Variants in CHST12 observed in about 807,000 individuals in gnomAD.
The protein encoded by CHST12 is carbohydrate sulfotransferase 12, also known as carbohydrate (chondroitin 4) sulfotransferase 12.
In CHST12, 23 loss-of-function variants were observed where a neutral mutation model predicts 27.9. The observed-to-expected ratio is 0.82, with a 90% CI of 0.59 to 1.17. The LOEUF (loss-of-function observed/expected upper bound fraction) is 1.17, where lower values mean the gene tolerates loss of function less well. CHST12 is among the 50% of genes most tolerant of loss of function. CHST12 has a pLI of 0.00. For synonymous variants in CHST12, 322 were observed against 273.0 expected, an observed-to-expected ratio of 1.18 and a Z score of -1.77; for missense variants, 682 against 603.0, an observed-to-expected ratio of 1.13 and a Z score of -1.37.
chr7:2,433,088 C>G lies in CHST12; in HGVS notation c.449C>G (p.Pro150Arg). Residue 150 changes from proline (P) to arginine (R), a missense_variant, in exon 2 of 2, where the codon CCC becomes CGC. Pro to Arg is a moderately radical substitution (Grantham distance 103). Transcript: ENST00000618655. The surrounding 1 kb of genome is among the most constrained non-coding windows in gnomAD (Gnocchi z 6.1). The stretch of plus-strand genomic sequence containing the variant: ...AAGGAGCGCGCATTCGACGACATCC[C>G]CAACTCGGAGCTGAGCCACCTGATC... ...PTKERAFDDI[P>R]NSELSHLIVD... 1 of 1,612,560 alleles carries G rather than the reference C, an allele frequency of 6.2e-7. No individual in the cohort carries two copies. The highest frequency in any genetic ancestry group is 1.1e-5 in the South Asian group (1 of 91,066).
At chr7:2,410,257 G>A (rs1781633413) in intron 1 of CHST12, among the ~76,000 whole-genome samples, 1 of 152,196 alleles carries the variant, frequency 6.6e-6, no homozygotes, top group African/African-American at 2.4e-5. Flanking sequence ...AGTGCCAGAT[G>A]CTACTGTAAG....
intron 1 of CHST12, among the ~76,000 whole-genome samples, chr7:2,420,105 C>G (rs1030554179): frequency 6.7e-6 from 1 of 149,672 alleles, no homozygotes; most frequent in Non-Finnish European, 1.5e-5. Context: ...TCCAGAGTAG[C>G]TGAGACTACA....
Position 2,434,259 on chromosome 7 carries a change from G to T in CHST12, c.*375G>T. 1 of 185,390 alleles carries T rather than the reference G, an allele frequency of 5.4e-6. No homozygotes were observed. The highest frequency in any genetic ancestry group is 1.3e-5 in the Non-Finnish European group (1 of 79,638). 11.5% of individuals were successfully genotyped at this position (185,390 alleles called of 1,614,324 possible). On this transcript the variant is annotated 3_prime_UTR_variant, in exon 2 of 2. Transcript: ENST00000618655. ...CGGGGCCTGCACTTGAAGTCAGGCCGCACCTGTCTGTTTTTGGAAGGGTAG... is the reference window on the plus strand; with the variant it reads ...CGGGGCCTGCACTTGAAGTCAGGCCTCACCTGTCTGTTTTTGGAAGGGTAG...
chr7:2,410,024 CCT>C lies in CHST12; in HGVS notation c.-78+6354_-78+6355del, dbSNP rs535051506. On this transcript the variant is annotated intron_variant, in intron 1 of 1. Transcript: ENST00000618655. The stretch of plus-strand genomic sequence containing the variant: ...GTGCAGTGATATGATCTCATTGCAG[CCT>C]CTGTTTCCTGAGTTCAAGCAATTAT... 3.1e-3 allele frequency among the ~76,000 whole-genome samples: 473 copies of C among 152,196 alleles called. 4 individuals carry two copies. Among genetic ancestry groups the C allele is most frequent in the African/African-American group, 0.011 (441 of 41,518 alleles).
intron 1 of CHST12, among the ~76,000 whole-genome samples, chr7:2,429,089 G>A (rs1554281610): frequency 6.6e-6 from 1 of 152,224 alleles, no homozygotes; most frequent in Non-Finnish European, 1.5e-5. Context: ...CTGACTGCAT[G>A]TCCGTTCATA....
At chr7:2,410,530 G>A (rs1368391759) in intron 1 of CHST12, among the ~76,000 whole-genome samples, 1 of 152,136 alleles carries the variant, frequency 6.6e-6, no homozygotes, top group African/African-American at 2.4e-5. Flanking sequence ...AAAGATTTGA[G>A]GTAGGGATGG....
In CHST12 at chr7:2,428,186, T is replaced by C. The variant is rs565718610; in HGVS notation, c.-77-4377T>C. 6.0e-5 allele frequency among the ~76,000 whole-genome samples: 9 copies of C among 148,894 alleles called. 1 individual carries two copies. The South Asian group carries it at 1.9e-3, about 32-fold the overall frequency. On this transcript the variant is annotated intron_variant, in intron 1 of 1. Coordinates refer to ENST00000618655, the MANE Select transcript of CHST12 (RefSeq NM_018641.5). ...TTCATAAGTGATATTGGCCTGTAGC[T>C]TTCTCTCTCTCTTTTTTTTTTTTTT...
At position 2,433,077 on chromosome 7, in the gene CHST12, C is replaced by A; in HGVS notation, c.438C>A (p.Phe146Leu). ...SLAFPTKERA[F>L]DDIPNSELSH... ...CCTTCCCCACCAAGGAGCGCGCATT[C>A]GACGACATCCCCAACTCGGAGCTGA... The change falls in exon 2 of 2, where the codon TTC becomes TTA. Residue 146 changes from phenylalanine to leucine, a missense_variant. Transcript: ENST00000618655. The surrounding 1 kb of genome is among the most constrained non-coding windows in gnomAD (Gnocchi z 6.1). 1 of 1,612,368 alleles carries A rather than the reference C, an allele frequency of 6.2e-7. No individual in the cohort carries two copies. The highest frequency in any genetic ancestry group is 8.5e-7 in the Non-Finnish European group (1 of 1,179,678).
intron 1 of CHST12, among the ~76,000 whole-genome samples, chr7:2,408,362 CAAAAAAAAAAAAAAA>C (rs56330622): frequency 1.8e-4 from 21 of 116,696 alleles, no homozygotes; most frequent in Non-Finnish European, 1.9e-4. Flanking sequence ...GACTCCGTCT[CAAAAAAAAAAAAAAA>C]AAAAAAAAAA....
chr7:2,419,444 C>T (rs146416013), intron 1 of CHST12, among the ~76,000 whole-genome samples: 4,515 of 150,774 alleles, frequency 0.03, 175 homozygotes, highest in African/African-American at 0.095. Flanking sequence ...TAGTGGCTTA[C>T]GCCTGTAATC....
At chr7:2,413,936 C>T (rs975100284) in intron 1 of CHST12, among the ~76,000 whole-genome samples, 5 of 151,840 alleles carry the variant, frequency 3.3e-5, no homozygotes, top group African/African-American at 1.2e-4. Flanking sequence ...ACCATGTTGG[C>T]CAGGCTGGTC....
intron 1 of CHST12, among the ~76,000 whole-genome samples, chr7:2,429,299 T>TC (rs1300986705): frequency 6.6e-6 from 1 of 152,296 alleles, no homozygotes; most frequent in East Asian, 1.9e-4. Context: ...GGTCTTGAAC[T>TC]CCTTGACCTC....
chr7:2,431,352 C>T (rs1236010755), intron 1 of CHST12, among the ~76,000 whole-genome samples: 1 of 152,180 alleles, frequency 6.6e-6, no homozygotes, highest in African/African-American at 2.4e-5. Flanking sequence ...GTTTTCCATT[C>T]CCGGGAGAGA....
Position 2,433,715 on chromosome 7 carries a change from A to T in CHST12, c.1076A>T (p.Asp359Val), listed in dbSNP as rs766097978. 1 of 1,613,506 alleles carries T rather than the reference A, an allele frequency of 6.2e-7. No homozygotes were observed. Among genetic ancestry groups the T allele is most frequent in the South Asian group, 1.1e-5 (1 of 91,058 alleles). ...AAQLLQLLQV[D>V]RQLRFPPSYR... ...CAGCTGCTGCAGCTACTCCAGGTGGACCGGCAGCTCCGCTTCCCCCCGAGC... is the reference window on the plus strand; with the variant it reads ...CAGCTGCTGCAGCTACTCCAGGTGGTCCGGCAGCTCCGCTTCCCCCCGAGC... Residue 359 changes from aspartate (D) to valine (V), a missense_variant, in exon 2 of 2, where the codon GAC becomes GTC. Transcript: ENST00000618655. The surrounding 1 kb of genome is among the most constrained non-coding windows in gnomAD (Gnocchi z 6.1).
Position 2,433,856 on chromosome 7 carries a change from C to T in CHST12, c.1217C>T (p.Pro406Leu). Residue 406 changes from proline to leucine, a missense_variant, in exon 2 of 2, where the codon CCC becomes CTC. Coordinates refer to ENST00000618655, the MANE Select transcript of CHST12 (RefSeq NM_018641.5). This position sits in a 1 kb window ranked among gnomAD's most constrained non-coding sequence, Gnocchi z 6.1. ...GCCGACTTTGTTCTCTTCGGCTACC[C>T]CAAGCCCGAAAACCTCCTCCGAGAC... ...YEADFVLFGY[P>L]KPENLLRD 6.3e-7 allele frequency: 1 copy of T among 1,583,234 alleles called. No individual in the cohort carries two copies. Among genetic ancestry groups the T allele is most frequent in the Non-Finnish European group, 8.6e-7 (1 of 1,159,416 alleles).
In CHST12 at chr7:2,437,896, T is replaced by A. The variant is rs1403782639; in HGVS notation, c.*4012T>A. The A allele has an allele frequency of 6.6e-6, 1 of 152,186 alleles. No individual in the cohort carries two copies. Among genetic ancestry groups the A allele is most frequent in the African/African-American group, 2.4e-5 (1 of 41,400 alleles). The allele number at this position is 152,186 out of a possible 1,614,324, so 9.4% of individuals were successfully genotyped here. A position where few individuals can be genotyped will look rare whatever the true frequency, so the allele number is the denominator to read the frequency against. On this transcript the variant is annotated 3_prime_UTR_variant, in exon 2 of 2. Coordinates refer to ENST00000618655, the MANE Select transcript of CHST12 (RefSeq NM_018641.5). Reference sequence around the variant, plus strand: ...GGGCCTGGATGGCCGCACCTCTCTCTCCCCGCCCTGTCTCCTGCACTCAGG... The same window carrying A: ...GGGCCTGGATGGCCGCACCTCTCTCACCCCGCCCTGTCTCCTGCACTCAGG...
chr7:2,436,010 C>T lies in CHST12; in HGVS notation c.*2126C>T, dbSNP rs118012183. 1,281 of 152,300 alleles carry T rather than the reference C, an allele frequency of 8.4e-3. 11 individuals are homozygous for T. Among genetic ancestry groups the T allele is most frequent in the Non-Finnish European group, 0.014 (930 of 68,090 alleles). The allele number at this position is 152,300 out of a possible 1,614,324, so 9.4% of individuals were successfully genotyped here. A position where few individuals can be genotyped will look rare whatever the true frequency, so the allele number is the denominator to read the frequency against. On this transcript the variant is annotated 3_prime_UTR_variant, in exon 2 of 2. Coordinates refer to ENST00000618655, the MANE Select transcript of CHST12 (RefSeq NM_018641.5). ...TTTATTTTCAGCAGAGATGAGGTCT[C>T]ACTGTGTTGCCCAGGCTGCTCTCAA...
At chr7:2,410,098 C>T (rs10215904) in intron 1 of CHST12, among the ~76,000 whole-genome samples, 24,639 of 152,088 alleles carry the variant, frequency 0.16, 2,283 homozygotes, top group African/African-American at 0.26. Context: ...TTTCTTTCGT[C>T]GTTTTCCAAG....
In CHST12 at chr7:2,437,753, C is replaced by T. The variant is rs1409670158; in HGVS notation, c.*3869C>T. On this transcript the variant is annotated 3_prime_UTR_variant, in exon 2 of 2. Transcript: ENST00000618655. ...GCGCGCACACACACACACACACACACACTCTCTCTCACACACACATCGGGA... is the reference window on the plus strand; with the variant it reads ...GCGCGCACACACACACACACACACATACTCTCTCTCACACACACATCGGGA... 6.6e-6 allele frequency: 1 copy of T among 152,042 alleles called. No homozygotes were observed. Among genetic ancestry groups the T allele is most frequent in the African/African-American group, 2.4e-5 (1 of 41,368 alleles). The allele number at this position is 152,042 out of a possible 1,614,324, so 9.4% of individuals were successfully genotyped here.
Sources: gnomAD v4.1 joint callset for allele counts (sites outside exome capture counted in the v4.1 genomes callset) on GRCh38, gnomAD v4.1.1 for gene constraint, Gnocchi (gnomAD v3.1) non-coding constraint, MANE v1.5 for transcripts, NCBI Gene and HGNC (gene_info 2026-07-23, HGNC 2026-07-21) for gene names.